The following NRXN1 variants were observed in gnomAD, a reference collection of about 807,000 sequenced individuals.
NRXN1 encodes the protein neurexin-1.
A neutral mutation model predicts 150.9 loss-of-function variants in NRXN1; 39 were observed. That is an observed-to-expected ratio of 0.26 (90% CI 0.20 to 0.34). The LOEUF (loss-of-function observed/expected upper bound fraction) is 0.34. NRXN1 is among the 10% of genes least tolerant of loss of function. The pLI, the probability that NRXN1 is intolerant of heterozygous loss-of-function variation, is 1.00. For missense variants in NRXN1, 1,815 were observed against 1,949.9 expected, an observed-to-expected ratio of 0.93 and a Z score of 1.30; for synonymous variants, 924 against 757.0, an observed-to-expected ratio of 1.22 and a Z score of -3.62.
rs80174292 is a variant in NRXN1 at position 50,615,034 on chromosome 2, G to A, written c.1320+4988C>T. 8.5e-3 allele frequency among the ~76,000 whole-genome samples: 1,300 copies of A among 152,196 alleles called. 19 individuals carry two copies. Among genetic ancestry groups the A allele is most frequent in the African/African-American group, 0.029 (1,205 of 41,524 alleles). Reference sequence around the variant, plus strand: ...TCAAGCATTTTCACCAATAAGGTGAGGGAAAATGCTTACAAAAGATAGGAT... The same window carrying A: ...TCAAGCATTTTCACCAATAAGGTGAAGGAAAATGCTTACAAAAGATAGGAT... On this transcript the variant is annotated intron_variant, in intron 8 of 22. Transcript: ENST00000401669.
At chr2:49,930,445 A>G (rs1220328398) in intron 22 of NRXN1, among the ~76,000 whole-genome samples, 1 of 152,226 alleles carries the variant, frequency 6.6e-6, no homozygotes, top group South Asian at 2.1e-4. Context: ...AAAACTACAC[A>G]CAAGCAAGTG....
intron 5 of NRXN1, among the ~76,000 whole-genome samples, chr2:50,740,293 G>T (rs1369492865): frequency 1.3e-5 from 2 of 152,106 alleles, no homozygotes; most frequent in Non-Finnish European, 2.9e-5. Context: ...GAGGAAAACT[G>T]CTGGGGAACT....
intron 17 of NRXN1, among the ~76,000 whole-genome samples, chr2:50,434,977 T>C (rs755214198): frequency 6.6e-6 from 1 of 152,220 alleles, no homozygotes; most frequent in Non-Finnish European, 1.5e-5. Flanking sequence ...AAAATCATGG[T>C]ATACACCAAA....
intron 5 of NRXN1, among the ~76,000 whole-genome samples, chr2:50,705,048 A>AC (rs1694242530): frequency 9.0e-5 from 11 of 121,844 alleles, no homozygotes; most frequent in Admixed American, 7.9e-4. Context: ...ACAGAAACAC[A>AC]AACACACACA....
In NRXN1 at chr2:50,538,497, A is replaced by G. The variant is rs2093318136; in HGVS notation, c.1899T>C (p.Thr633=). 1 of 1,610,470 alleles carries G rather than the reference A, an allele frequency of 6.2e-7. No homozygotes were observed. The highest frequency in any genetic ancestry group is 8.5e-7 in the Non-Finnish European group (1 of 1,177,058). ...AGLVFPTEVW[T]ALLNYGYVGC... is the part of the protein sequence containing the mutation. ...CCACGTAGCCATAGTTGAGCAGAGC[A>G]GTCCACACCTCGGTGGGGAAGACAA... The change falls in exon 10 of 23, where the codon ACT becomes ACC. Residue 633 remains threonine, a synonymous_variant. Coordinates refer to ENST00000401669, the MANE Select transcript of NRXN1 (RefSeq NM_001330078.2).
chr2:50,994,599 G>A (rs1194138602), intron 2 of NRXN1, among the ~76,000 whole-genome samples: 1 of 151,902 alleles, frequency 6.6e-6, no homozygotes, highest in Non-Finnish European at 1.5e-5. Flanking sequence ...CTTCCATAAG[G>A]AGAATTTCTA....
intron 17 of NRXN1, among the ~76,000 whole-genome samples, chr2:50,439,986 G>T (rs570023203): frequency 6.6e-6 from 1 of 152,260 alleles, no homozygotes; most frequent in Admixed American, 6.5e-5. Flanking sequence ...AATTAGCAGA[G>T]CATGGATTTC....
chr2:50,797,212 A>T (rs1404469631), intron 5 of NRXN1, among the ~76,000 whole-genome samples: 1 of 152,090 alleles, frequency 6.6e-6, no homozygotes, highest in African/African-American at 2.4e-5. Flanking sequence ...TCATAATTAG[A>T]TTTATTGTTA....
intron 5 of NRXN1, among the ~76,000 whole-genome samples, chr2:50,639,598 C>G (rs1683773030): frequency 6.6e-6 from 1 of 152,064 alleles, no homozygotes; most frequent in Non-Finnish European, 1.5e-5. Flanking sequence ...AATATTCATT[C>G]TGTAAAATAC....
At chr2:50,717,904 G>A (rs1303276078) in intron 5 of NRXN1, among the ~76,000 whole-genome samples, 1 of 152,126 alleles carries the variant, frequency 6.6e-6, no homozygotes, top group Non-Finnish European at 1.5e-5. Flanking sequence ...TCACTCTCAT[G>A]ATCGAATCAC....
chr2:50,465,537 T>C lies in NRXN1; in HGVS notation c.3269A>G (p.Asp1090Gly). The C allele has an allele frequency of 6.2e-7, 1 of 1,610,028 alleles. No homozygotes were observed. ...CEGPSTTCQE[D>G]SCSNQGVCLQ... Reference sequence around the variant, plus strand: ...GCACACACCTTGATTGGAACATGAGTCCTCTTGGCAGGTTGTGCTGGGCCC... The same window carrying C: ...GCACACACCTTGATTGGAACATGAGCCCTCTTGGCAGGTTGTGCTGGGCCC... The change falls in exon 17 of 23, where the codon GAC (aspartate) becomes GGC (glycine). Residue 1090 changes from aspartate to glycine, a missense_variant. By Grantham distance (94) the Asp-to-Gly change is moderately conservative. Coordinates refer to ENST00000401669, the MANE Select transcript of NRXN1 (RefSeq NM_001330078.2).
chr2:50,157,379 A>G (rs1330111513), intron 18 of NRXN1, among the ~76,000 whole-genome samples: 1 of 152,076 alleles, frequency 6.6e-6, no homozygotes, highest in Non-Finnish European at 1.5e-5. Context: ...AAAGATAAGC[A>G]TAGGCGTTTA....
At chr2:50,066,668 C>A (rs572272399) in intron 19 of NRXN1, among the ~76,000 whole-genome samples, 260 of 151,054 alleles carry the variant, frequency 1.7e-3, no homozygotes, top group Non-Finnish European at 3.1e-3. Context: ...CAAGTATGAC[C>A]AATAATGGTT....
At chr2:49,927,986 T>C (rs1308037890) in intron 22 of NRXN1, among the ~76,000 whole-genome samples, 7 of 152,138 alleles carry the variant, frequency 4.6e-5, no homozygotes, top group Non-Finnish European at 8.8e-5. Context: ...TGTCGTCAAC[T>C]ATGAACCTGG....
At chr2:50,060,495 A>G (rs1023869027) in intron 19 of NRXN1, among the ~76,000 whole-genome samples, 1 of 152,164 alleles carries the variant, frequency 6.6e-6, no homozygotes, top group African/African-American at 2.4e-5. Flanking sequence ...AAATGAGTTA[A>G]GACTTTGGGG....
At chr2:50,181,653 CAAAT>C (rs1323354331) in intron 18 of NRXN1, among the ~76,000 whole-genome samples, 1 of 151,976 alleles carries the variant, frequency 6.6e-6, no homozygotes, top group African/African-American at 2.4e-5. Flanking sequence ...TTCTGATACA[CAAAT>C]AAATATGCTC....
chr2:50,129,944 C>G (rs1167029445), intron 18 of NRXN1, among the ~76,000 whole-genome samples: 4 of 152,166 alleles, frequency 2.6e-5, no homozygotes, highest in Admixed American at 2.6e-4. Flanking sequence ...TTTTCTATAT[C>G]CTATTCCAAA....
chr2:50,889,703 T>C (rs941171924), intron 5 of NRXN1, among the ~76,000 whole-genome samples: 1 of 151,716 alleles, frequency 6.6e-6, no homozygotes, highest in Non-Finnish European at 1.5e-5. Context: ...AATAAGACTT[T>C]GGTTACATGA....
chr2:50,069,290 G>A (rs973390780), intron 19 of NRXN1, among the ~76,000 whole-genome samples: 2 of 152,174 alleles, frequency 1.3e-5, no homozygotes, highest in Admixed American at 1.3e-4. Flanking sequence ...AGGAGTGGAT[G>A]CTGCTTGATC....
Sources: gnomAD v4.1 joint callset for allele counts (sites outside exome capture counted in the v4.1 genomes callset) on GRCh38, gnomAD v4.1.1 for gene constraint, MANE v1.5 for transcripts, NCBI Gene and HGNC (gene_info 2026-07-23, HGNC 2026-07-21) for gene names.